Variants in MEF2D observed in about 807,000 individuals in gnomAD.
MEF2D encodes myocyte enhancer factor 2D, also known as myocyte-specific enhancer factor 2D.
A neutral mutation model predicts 59.3 loss-of-function variants in MEF2D; 10 were observed. The observed-to-expected ratio is 0.17, with a 90% confidence interval of 0.10 to 0.29. MEF2D has a LOEUF of 0.29. Ranked by LOEUF, MEF2D falls within the 10% of genes least tolerant of loss-of-function variation. The pLI is 1.00. For synonymous variants in MEF2D, 305 were observed against 295.0 expected (o/e 1.03, Z -0.35); for missense variants, 508 against 699.4 (o/e 0.73, Z 3.09).
chr1:156,489,600 C>T (rs1000731032), intron 1 of MEF2D, among the ~76,000 whole-genome samples: 10 of 151,794 alleles, frequency 6.6e-5, no homozygotes, highest in African/African-American at 2.4e-4. Context: ...CAACGGCTTC[C>T]AGGACTGACT....
In MEF2D at chr1:156,475,183, C is replaced by A; in HGVS notation, c.931G>T (p.Val311Leu). 1.2e-6 allele frequency: 2 copies of A among 1,614,166 alleles called. No individual in the cohort carries two copies. Among genetic ancestry groups the A allele is most frequent in the Non-Finnish European group, 1.7e-6 (2 of 1,179,990 alleles). The part of the protein sequence containing the change: ...SQSTHSLTTP[V>L]VSVATPSLLS... ...AAACTCGGCGTTGCCACAGAAACCA[C>A]TGGGGTGGTGAGCGAATGAGTAGAC... The change falls in exon 9 of 12, where the codon GTG becomes TTG. Residue 311 changes from valine to leucine, a missense_variant. Val to Leu is a conservative substitution (Grantham distance 32). Transcript: ENST00000348159.
At chr1:156,479,386 C>A in intron 5 of MEF2D, 40 bp from the exon 6 acceptor site, 1 of 1,598,512 alleles carries the variant, frequency 6.3e-7, no homozygotes. Flanking sequence ...GACAACACTC[C>A]CGCTTCAAGA....
At chr1:156,488,055 C>G (rs1034916198) in intron 1 of MEF2D, among the ~76,000 whole-genome samples, 1 of 152,228 alleles carries the variant, frequency 6.6e-6, no homozygotes, top group East Asian at 1.9e-4. Context: ...CTCGGGCTGA[C>G]AGTATCTATG....
intron 1 of MEF2D, among the ~76,000 whole-genome samples, chr1:156,493,685 C>A (rs1571271589): frequency 6.6e-6 from 1 of 152,128 alleles, no homozygotes; most frequent in African/African-American, 2.4e-5. Context: ...CGTGCAGGGA[C>A]CCCTCAGATT....
At chr1:156,481,521 C>T (rs1290568358) in intron 3 of MEF2D, among the ~76,000 whole-genome samples, 1 of 152,156 alleles carries the variant, frequency 6.6e-6, no homozygotes, top group Non-Finnish European at 1.5e-5. Flanking sequence ...TGACTGAGTC[C>T]CTACTGTGAC....
chr1:156,481,718 G>A (rs1365044681), intron 3 of MEF2D, among the ~76,000 whole-genome samples: 1 of 152,240 alleles, frequency 6.6e-6, no homozygotes, highest in Non-Finnish European at 1.5e-5. Context: ...CCAAATCTCT[G>A]AGTAGGCCTG....
At chr1:156,480,152 A>G (rs1027985027) in intron 4 of MEF2D, among the ~76,000 whole-genome samples, 2 of 152,158 alleles carry the variant, frequency 1.3e-5, no homozygotes, top group African/African-American at 2.4e-5. Context: ...ACAGACTCAA[A>G]TTCACACACG....
intron 1 of MEF2D, among the ~76,000 whole-genome samples, chr1:156,487,050 G>T (rs952451540): frequency 6.6e-6 from 1 of 152,162 alleles, no homozygotes; most frequent in East Asian, 1.9e-4. Context: ...AGGTTGGTTG[G>T]TGCAGAGGGT....
At chr1:156,488,493 G>A (rs1017417154) in intron 1 of MEF2D, among the ~76,000 whole-genome samples, 8 of 151,858 alleles carry the variant, frequency 5.3e-5, no homozygotes, top group African/African-American at 1.9e-4. Context: ...AGAGCTGAGG[G>A]GACCAGGGGG....
rs1671838759 is a variant in MEF2D at position 156,479,463 on chromosome 1, G to C, written c.608-117C>G. On this transcript the variant is annotated intron_variant, in intron 5 of 11. Transcript: ENST00000348159. Reference sequence around the variant, plus strand: ...GAAGAGTCATACTCCCTTCCCTCAGGAGCCATACAAATGGCGGAATGCTGT... The same window carrying C: ...GAAGAGTCATACTCCCTTCCCTCAGCAGCCATACAAATGGCGGAATGCTGT... 6.1e-6 allele frequency: 9 copies of C among 1,485,076 alleles called. No homozygotes were observed. The South Asian group carries it at 9.7e-5, about 16-fold the overall frequency. 92.0% of individuals were successfully genotyped at this position (1,485,076 alleles called of 1,614,324 possible). A position where few individuals can be genotyped will look rare whatever the true frequency, so the allele number is the denominator to read the frequency against.
intron 6 of MEF2D, 129 bp from the exon 7 acceptor site, chr1:156,477,331 C>A (rs1671682345): frequency 4.2e-6 from 3 of 713,814 alleles, no homozygotes; most frequent in East Asian, 5.6e-5. Context: ...TGAGTGGGGG[C>A]TGAGCTATCT....
In MEF2D at chr1:156,498,101, T is replaced by TAAAAA. The variant is rs5777987; in HGVS notation, c.-139+2380_-139+2384dup. ...CCCTATCACATCTCCCAGGAAAGAT[T>TAAAAA]AAAAAAAAAAAAAAAAAAAAAAAAA... On this transcript the variant is annotated intron_variant, in intron 1 of 11. Coordinates refer to ENST00000348159, the MANE Select transcript of MEF2D (RefSeq NM_005920.4). Among the ~76,000 whole-genome samples, 28 of 56,040 alleles carry TAAAAA rather than the reference T, an allele frequency of 5.0e-4. 1 individual carries two copies. The highest frequency in any genetic ancestry group is 2.0e-3 in the African/African-American group (26 of 12,984). The allele number at this position is 56,040 out of a possible 152,430, so 36.8% of individuals were successfully genotyped here. A position where few individuals can be genotyped will look rare whatever the true frequency, so the allele number is the denominator to read the frequency against.
chr1:156,467,948 G>C (rs1670965393), intron 11 of MEF2D, 45 bp downstream of exon 11: 1 of 1,575,746 alleles, frequency 6.3e-7, no homozygotes, highest in Non-Finnish European at 8.6e-7. Flanking sequence ...GGCAGTCCCT[G>C]GGTGTAGCAG....
At position 156,477,099 on chromosome 1, in the gene MEF2D, G is replaced by T; in HGVS notation, c.768C>A (p.Thr256=). The T allele has an allele frequency of 1.9e-6, 3 of 1,614,004 alleles. No homozygotes were observed. The highest frequency in any genetic ancestry group is 2.5e-6 in the Non-Finnish European group (3 of 1,179,928). The change falls in exon 7 of 12, where the codon ACC becomes ACA. Residue 256 remains threonine (T), a synonymous_variant. Coordinates refer to ENST00000348159, the MANE Select transcript of MEF2D (RefSeq NM_005920.4). ...VIPAKSPPPP[T]HSTQLGAPSR... ...TGGGGGCTCCAAGCTGGGTGCTGTG[G>T]GTAGGTGGGGGTGGAGACTTGGCAG...
chr1:156,488,363 A>C (rs1672511049), intron 1 of MEF2D, among the ~76,000 whole-genome samples: 1 of 152,192 alleles, frequency 6.6e-6, no homozygotes, highest in African/African-American at 2.4e-5. Context: ...AGATGCCCAG[A>C]GAGGGAAACA....
intron 3 of MEF2D, among the ~76,000 whole-genome samples, 170 bp from the exon 4 acceptor site, chr1:156,481,141 GTGAAGATC>G (rs938795223): frequency 2.6e-5 from 4 of 152,220 alleles, no homozygotes; most frequent in Non-Finnish European, 4.4e-5. Context: ...GGGGCATCGT[GTGAAGATC>G]TGAAGATGGG....
At chr1:156,474,093 T>C (rs981978670) in intron 9 of MEF2D, among the ~76,000 whole-genome samples, 8 of 152,198 alleles carry the variant, frequency 5.3e-5, no homozygotes, top group African/African-American at 1.9e-4. Flanking sequence ...CAGACCTGCC[T>C]CTGTCCTGTC....
chr1:156,478,778 T>C (rs6698405), intron 6 of MEF2D, among the ~76,000 whole-genome samples: 142,706 of 152,246 alleles, frequency 0.94, 66,966 homozygotes, highest in East Asian at 1. Context: ...GATCCGCCCA[T>C]CTCAGCCTCC....
chr1:156,467,893 C>A, intron 11 of MEF2D, 100 bp downstream of exon 11: 1 of 1,450,364 alleles, frequency 6.9e-7, no homozygotes. Flanking sequence ...TAGCCGGCCA[C>A]AAGGCCTCTT....
Sources: gnomAD v4.1 joint callset for allele counts (sites outside exome capture counted in the v4.1 genomes callset) on GRCh38, gnomAD v4.1.1 for gene constraint, MANE v1.5 for transcripts, NCBI Gene and HGNC (gene_info 2026-07-23, HGNC 2026-07-21) for gene names.